Variants in KIAA1328 observed in about 807,000 individuals in gnomAD.
KIAA1328 encodes the protein KIAA1328.
KIAA1328 carries 52 observed loss-of-function variants against 68.1 expected under a neutral mutation model. The ratio of observed to expected loss-of-function variants is 0.76; its 90% CI spans 0.61 to 0.96. The LOEUF (loss-of-function observed/expected upper bound fraction) is 0.96, where lower values mean the gene tolerates loss of function less well. KIAA1328 is among the 40% of genes least tolerant of loss of function. The pLI is 0.00. For missense variants in KIAA1328, 641 were observed against 677.6 expected (o/e 0.95, Z 0.60); for synonymous variants, 232 against 239.4 (o/e 0.97, Z 0.28).
At chr18:36,998,041 T>C (rs1013001737) in intron 6 of KIAA1328, among the ~76,000 whole-genome samples, 2 of 152,174 alleles carry the variant, frequency 1.3e-5, no homozygotes, top group African/African-American at 4.8e-5. Flanking sequence ...CCATGTGCTC[T>C]GACTTGGGGC....
intron 7 of KIAA1328, among the ~76,000 whole-genome samples, chr18:37,109,828 TG>T (rs550813981): frequency 5.5e-4 from 84 of 152,256 alleles, no homozygotes; most frequent in African/African-American, 2.0e-3. Flanking sequence ...ATTGGAGAGT[TG>T]GAAGTTTCAT....
chr18:37,028,332 G>C (rs1025943817), intron 6 of KIAA1328, among the ~76,000 whole-genome samples: 1 of 152,068 alleles, frequency 6.6e-6, no homozygotes, highest in African/African-American at 2.4e-5. Context: ...TTGGCCCTCA[G>C]CTTGGATGTT....
chr18:37,155,978 T>C (rs1469422882), intron 7 of KIAA1328, among the ~76,000 whole-genome samples: 1 of 152,252 alleles, frequency 6.6e-6, no homozygotes, highest in Non-Finnish European at 1.5e-5. Context: ...TCTTCTGTTA[T>C]GCAAATAAAG....
At chr18:37,229,076 T>C (rs548724483), downstream of KIAA1328, among the ~76,000 whole-genome samples, 1 of 152,266 alleles carries the variant, frequency 6.6e-6, no homozygotes, top group African/African-American at 2.4e-5. Flanking sequence ...AGCCCCACAA[T>C]ATCTCTGAGG....
At chr18:37,181,874 A>G (rs1448648605) in intron 9 of KIAA1328, among the ~76,000 whole-genome samples, 1 of 152,190 alleles carries the variant, frequency 6.6e-6, no homozygotes, top group Non-Finnish European at 1.5e-5. Flanking sequence ...TTTAGAAACA[A>G]TGTTTAAAAA....
chr18:36,896,518 C>T (rs578065197), intron 5 of KIAA1328, among the ~76,000 whole-genome samples: 1 of 152,224 alleles, frequency 6.6e-6, no homozygotes, highest in South Asian at 2.1e-4. Flanking sequence ...TCTCACCTGG[C>T]TCTAGTGGCT....
At chr18:36,848,546 T>TTTTTG in intron 4 of KIAA1328, among the ~76,000 whole-genome samples, 1 of 142,654 alleles carries the variant, frequency 7.0e-6, no homozygotes, top group Admixed American at 7.0e-5. Context: ...AGATGCTTTT[T>TTTTTG]TTTTTTTTTT....
chr18:36,887,939 G>A (rs1356776650), intron 5 of KIAA1328, among the ~76,000 whole-genome samples: 1 of 152,164 alleles, frequency 6.6e-6, no homozygotes, highest in Non-Finnish European at 1.5e-5. Flanking sequence ...ATTAGAGTGG[G>A]CCCTTGTTTG....
downstream of KIAA1328, chr18:37,229,600 G>A (rs2060655573): frequency 1.6e-6 from 2 of 1,272,978 alleles, no homozygotes; most frequent in Admixed American, 2.4e-5. Flanking sequence ...GTCCATCCAG[G>A]CGCGGTGGCT....
chr18:37,146,177 T>C (rs944794876), intron 7 of KIAA1328, among the ~76,000 whole-genome samples: 1 of 152,100 alleles, frequency 6.6e-6, no homozygotes, highest in African/African-American at 2.4e-5. Flanking sequence ...TTACAGATTA[T>C]TTTGTCACCC....
chr18:37,224,496 G>C lies in KIAA1328; in HGVS notation c.*2269G>C, dbSNP rs933658579. The C allele has an allele frequency of 5.1e-6, 5 of 985,248 alleles. No individual in the cohort carries two copies. The highest frequency in any genetic ancestry group is 6.0e-6 in the Non-Finnish European group (5 of 829,844). The allele number at this position is 985,248 out of a possible 1,614,324, so 61.0% of individuals were successfully genotyped here. On this transcript the variant is annotated 3_prime_UTR_variant, in exon 10 of 10. Transcript: ENST00000280020. ...TTTCTAACTTAATGGACATTTTGTTGGTGTTGGTGCAAGGGCAATAGGATG... is the reference window on the plus strand; with the variant it reads ...TTTCTAACTTAATGGACATTTTGTTCGTGTTGGTGCAAGGGCAATAGGATG...
chr18:36,834,693 A>G (rs2046613015), intron 2 of KIAA1328, among the ~76,000 whole-genome samples: 2 of 152,180 alleles, frequency 1.3e-5, no homozygotes, highest in South Asian at 2.1e-4. Context: ...GATACAGGGT[A>G]TATGTAAGAG....
chr18:36,987,488 A>C (rs1052697013), intron 6 of KIAA1328, among the ~76,000 whole-genome samples: 3 of 76,374 alleles, frequency 3.9e-5, no homozygotes, highest in Non-Finnish European at 1.1e-4. Context: ...AGTATAATAA[A>C]AAAAAATAAA....
chr18:36,929,168 A>G (rs1033195105), intron 5 of KIAA1328, among the ~76,000 whole-genome samples: 8 of 152,118 alleles, frequency 5.3e-5, no homozygotes, highest in African/African-American at 1.7e-4. Context: ...TGTCTCAGTC[A>G]TGTCTTAATC....
chr18:37,100,972 A>C (rs554900932), intron 7 of KIAA1328, among the ~76,000 whole-genome samples: 98 of 152,346 alleles, frequency 6.4e-4, no homozygotes, highest in African/African-American at 2.3e-3. Flanking sequence ...GACTGTTAGA[A>C]GGAAAACTAA....
intron 6 of KIAA1328, among the ~76,000 whole-genome samples, chr18:36,972,225 A>G (rs2052251721): frequency 6.6e-6 from 1 of 152,202 alleles, no homozygotes; most frequent in African/African-American, 2.4e-5. Context: ...ATGCGAAAAG[A>G]AATACATTTG....
At chr18:36,900,466 A>T (rs1252467900) in intron 5 of KIAA1328, among the ~76,000 whole-genome samples, 1 of 151,948 alleles carries the variant, frequency 6.6e-6, no homozygotes, top group Non-Finnish European at 1.5e-5. Flanking sequence ...AGCAGTAATG[A>T]GTTCTAAACA....
At chr18:37,138,162 G>C (rs1367325724) in intron 7 of KIAA1328, among the ~76,000 whole-genome samples, 1 of 152,146 alleles carries the variant, frequency 6.6e-6, no homozygotes, top group Non-Finnish European at 1.5e-5. Flanking sequence ...TATATGTGCT[G>C]AGCATTCTTT....
chr18:36,984,446 G>T (rs1160662543), intron 6 of KIAA1328, among the ~76,000 whole-genome samples: 1 of 152,112 alleles, frequency 6.6e-6, no homozygotes, highest in Non-Finnish European at 1.5e-5. Context: ...AAAATCAGTA[G>T]TATTTCTGTG....
Sources: gnomAD v4.1 joint callset for allele counts (sites outside exome capture counted in the v4.1 genomes callset) on GRCh38, gnomAD v4.1.1 for gene constraint, MANE v1.5 for transcripts, NCBI Gene and HGNC (gene_info 2026-07-23, HGNC 2026-07-21) for gene names.